TMEM154: variants seen among roughly 807,000 people sequenced by gnomAD.
TMEM154 encodes the protein transmembrane protein 154.
Under a neutral mutation model 24.5 loss-of-function variants are expected in TMEM154, and 27 were observed. The ratio of observed to expected loss-of-function variants is 1.10; its 90% CI spans 0.81 to 1.52. The LOEUF (loss-of-function observed/expected upper bound fraction) is 1.52, where lower values mean the gene tolerates loss of function less well. Ranked by LOEUF, TMEM154 falls within the 40% of genes most tolerant of loss-of-function variation. The pLI is 0.00. For missense variants in TMEM154, 228 were observed against 213.4 expected, an observed-to-expected ratio of 1.07 and a Z score of -0.43; for synonymous variants, 67 against 76.8, an observed-to-expected ratio of 0.87 and a Z score of 0.67.
At chr4:152,675,071 G>A (rs1728923678) in intron 1 of TMEM154, among the ~76,000 whole-genome samples, 1 of 149,200 alleles carries the variant, frequency 6.7e-6, no homozygotes, top group East Asian at 2.0e-4. Flanking sequence ...CAGGAGAATC[G>A]GCTTGAACCC....
chr4:152,642,149 C>A (rs1408949123), intron 5 of TMEM154, among the ~76,000 whole-genome samples: 1 of 151,766 alleles, frequency 6.6e-6, no homozygotes, highest in Non-Finnish European at 1.5e-5. Flanking sequence ...GAACTCCTGA[C>A]CTCAGGTTAT....
At chr4:152,646,964 A>G (rs1179310331) in intron 3 of TMEM154, 3 of 704,964 alleles carry the variant, frequency 4.3e-6, no homozygotes, top group Non-Finnish European at 2.6e-6. Context: ...CTCACACATC[A>G]AGACACTGCA....
chr4:152,661,912 T>C (rs916794407), intron 1 of TMEM154, among the ~76,000 whole-genome samples: 1 of 152,082 alleles, frequency 6.6e-6, no homozygotes, highest in African/African-American at 2.4e-5. Context: ...CATATACAAG[T>C]ATAAGTATTG....
chr4:152,672,414 C>T (rs1434432760), intron 1 of TMEM154, among the ~76,000 whole-genome samples: 4 of 152,138 alleles, frequency 2.6e-5, no homozygotes, highest in African/African-American at 9.7e-5. Flanking sequence ...AAAAGAGCAT[C>T]GTGAAGATCA....
chr4:152,670,900 G>C (rs997146383), intron 1 of TMEM154, among the ~76,000 whole-genome samples: 1 of 152,142 alleles, frequency 6.6e-6, no homozygotes, highest in African/African-American at 2.4e-5. Flanking sequence ...AATGAGACCA[G>C]CTTCTGCCTC....
chr4:152,633,775 A>G (rs528211636), intron 6 of TMEM154, among the ~76,000 whole-genome samples: 51 of 152,260 alleles, frequency 3.3e-4, no homozygotes, highest in African/African-American at 1.2e-3. Flanking sequence ...TGAGTTCGAG[A>G]CCAGCCTGGG....
At chr4:152,672,536 T>C (rs1227929410) in intron 1 of TMEM154, among the ~76,000 whole-genome samples, 1 of 152,198 alleles carries the variant, frequency 6.6e-6, no homozygotes. Context: ...TCACTGGTGA[T>C]GGAGACAGAG....
chr4:152,653,734 AT>A (rs1728437214), intron 1 of TMEM154, among the ~76,000 whole-genome samples: 1 of 151,982 alleles, frequency 6.6e-6, no homozygotes. Flanking sequence ...ATGGAAAATA[AT>A]TCTTTGAAAA....
intron 1 of TMEM154, among the ~76,000 whole-genome samples, chr4:152,659,498 G>A (rs1372719377): frequency 6.6e-6 from 1 of 152,178 alleles, no homozygotes; most frequent in Non-Finnish European, 1.5e-5. Flanking sequence ...ATATTTCAAA[G>A]TAGCTAGAAG....
chr4:152,641,123 G>A, intron 5 of TMEM154, 138 bp from the exon 6 acceptor site: 1 of 637,194 alleles, frequency 1.6e-6, no homozygotes, highest in South Asian at 2.2e-5. Flanking sequence ...AGGAGTGATA[G>A]TGATGAAAAG....
At chr4:152,639,533 G>A (rs903837076) in intron 6 of TMEM154, among the ~76,000 whole-genome samples, 4 of 151,968 alleles carry the variant, frequency 2.6e-5, no homozygotes, top group African/African-American at 9.7e-5. Flanking sequence ...TATTCCCCCT[G>A]GCATTGTTGT....
chr4:152,636,544 C>T (rs372123938), intron 6 of TMEM154, among the ~76,000 whole-genome samples: 22 of 152,310 alleles, frequency 1.4e-4, no homozygotes, highest in African/African-American at 5.1e-4. Flanking sequence ...TTTCGGATTC[C>T]ATAGCTCAGG....
At position 152,624,455 on chromosome 4, in the gene TMEM154, G is replaced by T. The variant is rs1442270829; in HGVS notation, c.*4091C>A. 2 of 152,002 alleles carry T rather than the reference G, an allele frequency of 1.3e-5. No homozygotes were observed. The highest frequency in any genetic ancestry group is 2.9e-5 in the Non-Finnish European group (2 of 68,004). The allele number at this position is 152,002 out of a possible 1,614,324, so 9.4% of individuals were successfully genotyped here. On this transcript the variant is annotated 3_prime_UTR_variant, in exon 7 of 7. Transcript: ENST00000304385. ...TCTGTACAAAAGATACAAAAAATTA[G>T]CCAGTCCTAGTAGTGCACACCAGTA...
chr4:152,650,864 T>G (rs1196141165), intron 3 of TMEM154, among the ~76,000 whole-genome samples: 1 of 152,216 alleles, frequency 6.6e-6, no homozygotes, highest in Non-Finnish European at 1.5e-5. Flanking sequence ...GGTGACCAGG[T>G]GCATTGTCAA....
rs1375911853 is a variant in TMEM154 at position 152,619,298 on chromosome 4, G to A, written c.*9248C>T. 1 of 152,230 alleles carries A rather than the reference G, an allele frequency of 6.6e-6. No individual in the cohort carries two copies. Among genetic ancestry groups the A allele is most frequent in the African/African-American group, 2.4e-5 (1 of 41,456 alleles). The allele number at this position is 152,230 out of a possible 1,614,324, so 9.4% of individuals were successfully genotyped here. ...CCAAGCCAAAGAGCACATAGGCACT[G>A]GGATTCAGGGAGGTCAAATATCCAC... On this transcript the variant is annotated 3_prime_UTR_variant, in exon 7 of 7. Transcript: ENST00000304385.
At position 152,675,197 on chromosome 4, in the gene TMEM154, T is replaced by C. The variant is rs918053688; in HGVS notation, c.64+4673A>G. On this transcript the variant is annotated intron_variant, in intron 1 of 6. Transcript: ENST00000304385. Reference sequence around the variant, plus strand: ...AAAAAAGAATGTGAGGCAACAGATATGACAAGCGGCAAGATTATGTCTACA... The same window carrying C: ...AAAAAAGAATGTGAGGCAACAGATACGACAAGCGGCAAGATTATGTCTACA... Among the ~76,000 whole-genome samples, 8 of 145,004 alleles carry C rather than the reference T, an allele frequency of 5.5e-5. No homozygotes were observed. The South Asian group carries it at 1.5e-3, about 28-fold the overall frequency.
chr4:152,654,801 G>A (rs1027841339), intron 1 of TMEM154, among the ~76,000 whole-genome samples: 1 of 152,206 alleles, frequency 6.6e-6, no homozygotes, highest in African/African-American at 2.4e-5. Context: ...AGAAATAAAT[G>A]TCTGTTGTTT....
intron 6 of TMEM154, among the ~76,000 whole-genome samples, chr4:152,630,473 G>A (rs903075031): frequency 5.3e-5 from 8 of 152,086 alleles, no homozygotes; most frequent in African/African-American, 1.9e-4. Flanking sequence ...TAATTTCTTA[G>A]AAATTGGGTG....
chr4:152,672,240 C>T (rs1312233464), intron 1 of TMEM154, among the ~76,000 whole-genome samples: 2 of 151,382 alleles, frequency 1.3e-5, no homozygotes, highest in African/African-American at 2.4e-5. Flanking sequence ...GCCTGGGTGA[C>T]AAAGTGAAAC....
Sources: gnomAD v4.1 joint callset for allele counts (sites outside exome capture counted in the v4.1 genomes callset) on GRCh38, gnomAD v4.1.1 for gene constraint, MANE v1.5 for transcripts, NCBI Gene and HGNC (gene_info 2026-07-23, HGNC 2026-07-21) for gene names.